The following SV2C variants were observed in gnomAD, a reference collection of about 807,000 sequenced individuals.
The protein encoded by SV2C is solute carrier family 22 member B3.
Under a neutral mutation model 79.7 loss-of-function variants are expected in SV2C, and 49 were observed. That is an observed-to-expected ratio of 0.61 (90% CI 0.49 to 0.78). SV2C has a LOEUF of 0.78. Ranked by LOEUF, SV2C falls within the 30% of genes least tolerant of loss-of-function variation. The pLI is 0.00. For missense variants in SV2C, 833 were observed against 912.9 expected (o/e 0.91, Z 1.13); for synonymous variants, 334 against 333.2 (o/e 1.00, Z -0.03).
chr5:76,036,121 T>C, the SV2C span, among the ~76,000 whole-genome samples: 1 of 151,960 alleles, frequency 6.6e-6, no homozygotes, highest in East Asian at 1.9e-4. Flanking sequence ...ATCCTTTTAT[T>C]TTGAGCCTAT....
the SV2C span, chr5:76,075,928 T>G: frequency 8.4e-5 from 18 of 213,774 alleles, no homozygotes; most frequent in Non-Finnish European, 3.0e-5. Context: ...CATATTAAAT[T>G]TTATTTACTA....
chr5:76,193,147 T>A (rs1293520738), intron 2 of SV2C, among the ~76,000 whole-genome samples: 1 of 152,174 alleles, frequency 6.6e-6, no homozygotes, highest in African/African-American at 2.4e-5. Context: ...AGGAAAAAAA[T>A]TTGGATGACT....
At position 76,332,732 on chromosome 5, in the gene SV2C, C is replaced by A. The variant is rs1749221970; in HGVS notation, c.*7185C>A. On this transcript the variant is annotated 3_prime_UTR_variant, in exon 13 of 13. Coordinates refer to ENST00000502798, the MANE Select transcript of SV2C (RefSeq NM_014979.4). ...AACAAAGCCATGGAAAGCAACAAAGCCATGCAAATCAGACTCCTCCTAACC... is the reference window on the plus strand; with the variant it reads ...AACAAAGCCATGGAAAGCAACAAAGACATGCAAATCAGACTCCTCCTAACC... 1 of 150,386 alleles carries A rather than the reference C, an allele frequency of 6.6e-6. No homozygotes were observed. The highest frequency in any genetic ancestry group is 1.5e-5 in the Non-Finnish European group (1 of 68,038). The allele number at this position is 150,386 out of a possible 1,614,324, so 9.3% of individuals were successfully genotyped here.
the SV2C span, among the ~76,000 whole-genome samples, chr5:76,019,003 G>T: frequency 6.6e-6 from 1 of 152,176 alleles, no homozygotes; most frequent in Non-Finnish European, 1.5e-5. Flanking sequence ...ATCCTTTTGA[G>T]TGTGGTATTA....
chr5:76,105,523 C>A (rs1561217073), intron 1 of SV2C, among the ~76,000 whole-genome samples: 1 of 152,238 alleles, frequency 6.6e-6, no homozygotes, highest in East Asian at 1.9e-4. Context: ...CTCTGTAGGG[C>A]CCTTTCTCTA....
At chr5:76,349,195 GCA>G (rs1561329038) in intron 12 of SV2C, among the ~76,000 whole-genome samples, 2 of 152,000 alleles carry the variant, frequency 1.3e-5, no homozygotes, top group African/African-American at 4.8e-5. Context: ...ACAGTGTCAG[GCA>G]CAGAGTAAGC....
intron 4 of SV2C, among the ~76,000 whole-genome samples, chr5:76,245,986 G>A (rs28587768): frequency 0.5 from 76,014 of 150,660 alleles, 19,892 homozygotes; most frequent in African/African-American, 0.63. Context: ...ACAGGATATA[G>A]AAGGTTTTTT....
chr5:75,898,053 C>G, the SV2C span, among the ~76,000 whole-genome samples: 1 of 151,866 alleles, frequency 6.6e-6, no homozygotes, highest in African/African-American at 2.4e-5. Flanking sequence ...AATTGAATAC[C>G]CTTTATTTCC....
At chr5:76,112,302 T>C (rs1561220200) in intron 1 of SV2C, among the ~76,000 whole-genome samples, 1 of 152,188 alleles carries the variant, frequency 6.6e-6, no homozygotes, top group Non-Finnish European at 1.5e-5. Flanking sequence ...GGGCTCTATG[T>C]AGAGGTGACA....
chr5:76,037,754 T>G, the SV2C span, among the ~76,000 whole-genome samples: 3 of 152,354 alleles, frequency 2.0e-5, no homozygotes, highest in South Asian at 6.2e-4. Context: ...CAGGCCTCCT[T>G]GAGCTGTGGT....
the SV2C span, chr5:75,911,610 T>C: frequency 1.7e-4 from 118 of 699,038 alleles, no homozygotes; most frequent in East Asian, 3.0e-3. Flanking sequence ...TAAGAACTCC[T>C]GAGGTCAAAG....
chr5:76,253,497 G>T (rs992073865), intron 4 of SV2C, among the ~76,000 whole-genome samples: 28 of 152,074 alleles, frequency 1.8e-4, no homozygotes, highest in South Asian at 8.3e-4. Context: ...ACATTTTAAA[G>T]ATTAATGACA....
intron 12 of SV2C, among the ~76,000 whole-genome samples, chr5:76,308,205 C>T (rs1227243036): frequency 6.6e-6 from 1 of 152,116 alleles, no homozygotes; most frequent in Non-Finnish European, 1.5e-5. Context: ...GGAGGCATTG[C>T]CTTATTATTA....
At chr5:75,868,606 A>C in the SV2C span, among the ~76,000 whole-genome samples, 63 of 152,212 alleles carry the variant, frequency 4.1e-4, no homozygotes, top group Non-Finnish European at 8.7e-4. Context: ...AAACCCAAAA[A>C]CAAAATAAAA....
chr5:75,887,457 T>G, the SV2C span, among the ~76,000 whole-genome samples: 777 of 152,058 alleles, frequency 5.1e-3, 9 homozygotes, highest in African/African-American at 0.018. Flanking sequence ...TCTTGTAGTA[T>G]TTGTCTTATC....
chr5:76,075,587 C>T, the SV2C span: 58 of 181,384 alleles, frequency 3.2e-4, 1 homozygote, highest in African/African-American at 1.4e-3. Flanking sequence ...TGGAGATGCC[C>T]ACCAACCAAG....
the SV2C span, among the ~76,000 whole-genome samples, chr5:76,046,103 A>G: frequency 6.6e-5 from 10 of 151,784 alleles, no homozygotes; most frequent in Admixed American, 4.6e-4. Flanking sequence ...CTGGAAGGTG[A>G]CACAAAAAAT....
At chr5:75,984,603 CTAT>C in the SV2C span, among the ~76,000 whole-genome samples, 7 of 141,390 alleles carry the variant, frequency 5.0e-5, no homozygotes, top group Non-Finnish European at 7.9e-5. Flanking sequence ...ATCTACCTAT[CTAT>C]CTATCTATCT....
At chr5:76,263,659 G>A (rs1227551404) in intron 4 of SV2C, among the ~76,000 whole-genome samples, 3 of 152,110 alleles carry the variant, frequency 2.0e-5, no homozygotes, top group African/African-American at 4.8e-5. Context: ...GGCAGGCTTG[G>A]TGATGACAAA....
Sources: gnomAD v4.1 joint callset for allele counts (sites outside exome capture counted in the v4.1 genomes callset) on GRCh38, gnomAD v4.1.1 for gene constraint, MANE v1.5 for transcripts, NCBI Gene and HGNC (gene_info 2026-07-23, HGNC 2026-07-21) for gene names.